The following MYO16 variants were observed in gnomAD, a reference collection of about 807,000 sequenced individuals.
MYO16 encodes unconventional myosin-XVI.
In MYO16, 94 loss-of-function variants were observed where a neutral mutation model predicts 205.3. That is an observed-to-expected ratio of 0.46 (90% CI 0.39 to 0.54). The LOEUF (loss-of-function observed/expected upper bound fraction) is 0.54, where lower values mean the gene tolerates loss of function less well. Among genes scored for constraint, MYO16 ranks in the 20% least tolerant of loss-of-function variants. The pLI is 0.00. For missense variants in MYO16, 2,315 were observed against 2,387.5 expected (o/e 0.97, Z 0.63); for synonymous variants, 988 against 954.0 (o/e 1.04, Z -0.66).
At chr13:109,083,768 T>G (rs909378954) in intron 27 of MYO16, among the ~76,000 whole-genome samples, 1 of 152,092 alleles carries the variant, frequency 6.6e-6, no homozygotes, top group African/African-American at 2.4e-5. Context: ...TAATTGCACT[T>G]GGTGGGTGGC....
chr13:108,624,098 A>G (rs1566510862), intron 1 of MYO16, among the ~76,000 whole-genome samples: 2 of 152,330 alleles, frequency 1.3e-5, no homozygotes, highest in Non-Finnish European at 2.9e-5. Context: ...ATGTATATCA[A>G]TGGGAAAAGT....
At chr13:108,633,968 C>G (rs1485639030) in intron 1 of MYO16, among the ~76,000 whole-genome samples, 1 of 152,156 alleles carries the variant, frequency 6.6e-6, no homozygotes, top group African/African-American at 2.4e-5. Flanking sequence ...CACTCCTTGC[C>G]CTCACCTCCC....
chr13:109,136,780 A>G (rs557422062), intron 31 of MYO16, among the ~76,000 whole-genome samples: 3 of 152,258 alleles, frequency 2.0e-5, no homozygotes, highest in African/African-American at 7.2e-5. Context: ...GGTCCCTTCA[A>G]AGCTCCTCCC....
chr13:109,068,589 ATTT>A (rs35068937), intron 27 of MYO16, among the ~76,000 whole-genome samples: 163 of 132,378 alleles, frequency 1.2e-3, no homozygotes, highest in East Asian at 1.8e-3. Context: ...TAAGCCATGA[ATTT>A]TTTTTTTTTT....
At chr13:109,168,406 T>C (rs1288121652) in intron 33 of MYO16, among the ~76,000 whole-genome samples, 1 of 151,940 alleles carries the variant, frequency 6.6e-6, no homozygotes, top group Non-Finnish European at 1.5e-5. Flanking sequence ...GCAAAAACAG[T>C]GCTCATATAT....
chr13:108,801,438 A>G (rs1352869423), intron 6 of MYO16, among the ~76,000 whole-genome samples: 2 of 152,238 alleles, frequency 1.3e-5, no homozygotes, highest in Non-Finnish European at 1.5e-5. Context: ...TTTTAGAATC[A>G]GGATGTATCA....
Position 108,937,562 on chromosome 13 carries a change from T to A in MYO16, c.1926-20126T>A, listed in dbSNP as rs1158754327. 5.3e-5 allele frequency among the ~76,000 whole-genome samples: 8 copies of A among 152,212 alleles called. No individual in the cohort carries two copies. In the East Asian group the frequency reaches 1.5e-3, roughly 29 times the overall value. On this transcript the variant is annotated intron_variant, in intron 16 of 34. Transcript: ENST00000457511. Reference sequence around the variant, plus strand: ...ATATTTCTCAAAGGCGTTGCTCATTTTTTAAAATTCTTTTTTAATTTTTGC... The same window carrying A: ...ATATTTCTCAAAGGCGTTGCTCATTATTTAAAATTCTTTTTTAATTTTTGC...
At chr13:108,910,424 T>C (rs79531132) in intron 16 of MYO16, among the ~76,000 whole-genome samples, 3,923 of 152,324 alleles carry the variant, frequency 0.026, 239 homozygotes, top group East Asian at 0.17. Flanking sequence ...TTTAAGTATT[T>C]TGGCTATAAC....
At chr13:108,737,452 G>A (rs1884744721) in intron 4 of MYO16, among the ~76,000 whole-genome samples, 1 of 152,284 alleles carries the variant, frequency 6.6e-6, no homozygotes, top group South Asian at 2.1e-4. Flanking sequence ...AATGATTTGT[G>A]TATGTTGAAT....
intron 2 of MYO16, among the ~76,000 whole-genome samples, chr13:108,691,046 C>T (rs1882876064): frequency 6.6e-6 from 1 of 152,158 alleles, no homozygotes; most frequent in African/African-American, 2.4e-5. Flanking sequence ...AATTTTAACA[C>T]AGCAAGAGAT....
chr13:109,023,239 T>C (rs1180776497), intron 23 of MYO16, among the ~76,000 whole-genome samples: 1 of 107,648 alleles, frequency 9.3e-6, no homozygotes, highest in Non-Finnish European at 1.7e-5. Flanking sequence ...TATACAGATA[T>C]AAATATATAT....
At chr13:108,963,131 T>G (rs1883650837) in intron 19 of MYO16, among the ~76,000 whole-genome samples, 1 of 152,184 alleles carries the variant, frequency 6.6e-6, no homozygotes, top group South Asian at 2.1e-4. Flanking sequence ...AAGAGAGTGG[T>G]TTTCCCACAT....
the MYO16 span, among the ~76,000 whole-genome samples, chr13:108,556,354 T>A: frequency 4.6e-5 from 7 of 152,188 alleles, no homozygotes; most frequent in Non-Finnish European, 1.0e-4. Context: ...AATATCTCAT[T>A]ATGGTTTTAA....
intron 31 of MYO16, among the ~76,000 whole-genome samples, chr13:109,133,578 T>G (rs1566524090): frequency 1.3e-5 from 2 of 152,196 alleles, no homozygotes; most frequent in African/African-American, 4.8e-5. Flanking sequence ...GAGGCAACTT[T>G]ATGATGTAAT....
chr13:108,631,209 A>T (rs1006563429), intron 1 of MYO16, among the ~76,000 whole-genome samples: 17 of 152,166 alleles, frequency 1.1e-4, no homozygotes, highest in Non-Finnish European at 2.9e-5. Flanking sequence ...GTGCCTCTGC[A>T]GAGGAAAAAC....
chr13:108,559,445 GCTTTTCTTTTTTTCTTTTT>G, the MYO16 span, among the ~76,000 whole-genome samples: 3 of 147,854 alleles, frequency 2.0e-5, no homozygotes, highest in Non-Finnish European at 4.5e-5. Flanking sequence ...AGTTTGTGGT[GCTTTTCTTTTTTTCTTTTT>G]CTTTTCTTTT....
intron 11 of MYO16, among the ~76,000 whole-genome samples, chr13:108,865,504 T>G (rs548182260): frequency 6.6e-6 from 1 of 151,952 alleles, no homozygotes; most frequent in African/African-American, 2.4e-5. Flanking sequence ...ATGCATACCT[T>G]GCTTCATCCT....
upstream of MYO16, among the ~76,000 whole-genome samples, chr13:108,595,812 C>T (rs1206829710): frequency 6.8e-6 from 1 of 147,228 alleles, no homozygotes; most frequent in African/African-American, 2.5e-5. Flanking sequence ...GTGGTGGCTA[C>T]TTTGAGTGGT....
intron 4 of MYO16, among the ~76,000 whole-genome samples, chr13:108,772,318 C>A (rs1885993393): frequency 1.3e-5 from 2 of 152,000 alleles, no homozygotes; most frequent in South Asian, 4.2e-4. Flanking sequence ...CCACTGCACT[C>A]CAGCCTGGGC....
Sources: gnomAD v4.1 joint callset for allele counts (sites outside exome capture counted in the v4.1 genomes callset) on GRCh38, gnomAD v4.1.1 for gene constraint, MANE v1.5 for transcripts, NCBI Gene and HGNC (gene_info 2026-07-23, HGNC 2026-07-21) for gene names.